The following UNC5B variants were observed in gnomAD, a reference collection of about 807,000 sequenced individuals.
The protein encoded by UNC5B is unc-5 netrin receptor B.
UNC5B carries 56 observed loss-of-function variants against 103.7 expected under a neutral mutation model. The observed-to-expected ratio is 0.54, with a 90% CI of 0.44 to 0.67. The LOEUF is 0.67. Ranked by LOEUF, UNC5B falls within the 30% of genes least tolerant of loss-of-function variation. UNC5B has a pLI of 0.00. For missense variants in UNC5B, 1,194 were observed against 1,284.5 expected (o/e 0.93, Z 1.08); for synonymous variants, 577 against 542.0 (o/e 1.06, Z -0.90).
chr10:71,274,924 T>C (rs1844733500), intron 1 of UNC5B, among the ~76,000 whole-genome samples: 1 of 152,234 alleles, frequency 6.6e-6, no homozygotes, highest in African/African-American at 2.4e-5. Flanking sequence ...CATGAACAGA[T>C]TCCCCATAAG....
At chr10:71,298,709 T>G (rs934608712) in intron 16 of UNC5B, among the ~76,000 whole-genome samples, 3 of 151,598 alleles carry the variant, frequency 2.0e-5, no homozygotes, top group African/African-American at 4.9e-5. Flanking sequence ...ATCAGGGGAG[T>G]TCATGGGAGC....
intron 2 of UNC5B, 82 bp downstream of exon 2, chr10:71,280,127 C>A: frequency 1.4e-6 from 2 of 1,436,788 alleles, no homozygotes; most frequent in South Asian, 1.2e-5. Context: ...AGACTTCACA[C>A]AGCCATGGTG....
chr10:71,264,978 A>C (rs955069552), intron 1 of UNC5B, among the ~76,000 whole-genome samples: 2 of 151,674 alleles, frequency 1.3e-5, no homozygotes, highest in Non-Finnish European at 2.9e-5. Context: ...CTATAAAAAA[A>C]AAAAAAAAAA....
chr10:71,249,124 C>T (rs908737423), intron 1 of UNC5B, among the ~76,000 whole-genome samples: 1 of 152,222 alleles, frequency 6.6e-6, no homozygotes, highest in Non-Finnish European at 1.5e-5. Context: ...CAGCCCTACA[C>T]AGGCACCTCA....
intron 1 of UNC5B, among the ~76,000 whole-genome samples, chr10:71,240,058 C>A (rs933556966): frequency 6.6e-6 from 1 of 152,114 alleles, no homozygotes; most frequent in African/African-American, 2.4e-5. Context: ...TCCTGCTGAG[C>A]CTTCCTTCCC....
intron 16 of UNC5B, 152 bp downstream of exon 16, chr10:71,298,242 G>C (rs984865550): frequency 1.4e-5 from 12 of 847,370 alleles, no homozygotes; most frequent in Middle Eastern, 4.6e-4. Context: ...CTCAGGATTG[G>C]ATATGCAAAG....
At chr10:71,268,419 A>T (rs1021891945) in intron 1 of UNC5B, among the ~76,000 whole-genome samples, 5 of 152,188 alleles carry the variant, frequency 3.3e-5, no homozygotes, top group African/African-American at 4.8e-5. Flanking sequence ...GCCCTTGCAC[A>T]AGTCATTGCC....
intron 1 of UNC5B, among the ~76,000 whole-genome samples, chr10:71,220,384 G>A (rs566891061): frequency 2.6e-5 from 4 of 152,170 alleles, no homozygotes; most frequent in Non-Finnish European, 4.4e-5. Flanking sequence ...TAGCACTTCT[G>A]TGAGCCATTT....
intron 1 of UNC5B, among the ~76,000 whole-genome samples, chr10:71,219,869 A>G (rs7069846): frequency 0.28 from 42,930 of 152,108 alleles, 6,127 homozygotes; most frequent in African/African-American, 0.32. Context: ...TTCCTGGGGC[A>G]GGTGATGAGT....
rs377255326 is a variant in UNC5B, at chr10:71,292,462, C to T, written c.1685-5C>T. 18 of 1,588,088 alleles carry T rather than the reference C, an allele frequency of 1.1e-5. No homozygotes were observed. Among genetic ancestry groups the T allele is most frequent in the East Asian group, 2.3e-5 (1 of 44,260 alleles). On this transcript the variant is annotated splice_region_variant and splice_polypyrimidine_tract_variant and intron_variant, in intron 10 of 16. Transcript: ENST00000335350. ...GACTCCCTGCTGACTTCCCTCTCCC[C>T]CTAGGGGTCAGCTTGCTGGTGCCCA...
intron 13 of UNC5B, 22 bp downstream of exon 13, chr10:71,293,955 C>T (rs1845341767): frequency 1.3e-6 from 2 of 1,568,252 alleles, no homozygotes; most frequent in Non-Finnish European, 1.7e-6. Flanking sequence ...TGCAGGTGCC[C>T]ACACAGCCCT....
intron 1 of UNC5B, among the ~76,000 whole-genome samples, chr10:71,233,444 G>A (rs1843719965): frequency 6.6e-6 from 1 of 152,174 alleles, no homozygotes. Context: ...GAAGATGCTG[G>A]CGGCTTCAGC....
At chr10:71,288,476 A>G in intron 6 of UNC5B, 92 bp from the exon 7 acceptor site, 2 of 1,513,180 alleles carry the variant, frequency 1.3e-6, no homozygotes, top group African/African-American at 1.4e-5. Context: ...GTATGCATGC[A>G]TGTGTGTTGG....
At chr10:71,248,680 C>T (rs1412301551) in intron 1 of UNC5B, among the ~76,000 whole-genome samples, 1 of 152,128 alleles carries the variant, frequency 6.6e-6, no homozygotes, top group Non-Finnish European at 1.5e-5. Context: ...CTTTGCAGCC[C>T]AAGGTCTTTG....
At chr10:71,294,115 G>C (rs112941678) in intron 13 of UNC5B, among the ~76,000 whole-genome samples, 182 bp downstream of exon 13, 41 of 152,298 alleles carry the variant, frequency 2.7e-4, no homozygotes, top group African/African-American at 9.9e-4. Context: ...GCCTCACCAA[G>C]ATCCAGGTTA....
intron 8 of UNC5B, 33 bp from the exon 9 acceptor site, chr10:71,290,882 G>T: frequency 6.3e-7 from 1 of 1,588,800 alleles, no homozygotes; most frequent in Non-Finnish European, 8.6e-7. Context: ...CCTGGTCTCT[G>T]CTGCCCCTTA....
Position 71,282,254 on chromosome 10 carries a change from TG to T in UNC5B, c.304+2214del, listed in dbSNP as rs200032644. ...GCCTGAAAACACAGAAGAGGACAGC[TG>T]GGGGCCAGGAGAGGCAGAACAGCCC... On this transcript the variant is annotated intron_variant, in intron 2 of 16. Transcript: ENST00000335350. Among the ~76,000 whole-genome samples the T allele has an allele frequency of 7.8e-3, 1,193 of 152,234 alleles. 15 individuals are homozygous for T. The highest frequency in any genetic ancestry group is 0.027 in the African/African-American group (1,128 of 41,542).
intron 1 of UNC5B, among the ~76,000 whole-genome samples, chr10:71,230,812 G>A (rs1002241353): frequency 1.3e-5 from 2 of 152,264 alleles, no homozygotes; most frequent in Non-Finnish European, 2.9e-5. Flanking sequence ...AGGGAAGCAG[G>A]GAAGTGGGGG....
chr10:71,267,416 G>A (rs891677193), intron 1 of UNC5B, among the ~76,000 whole-genome samples: 3 of 152,190 alleles, frequency 2.0e-5, no homozygotes, highest in South Asian at 2.1e-4. Context: ...TTCCTTGGCC[G>A]AGGAGGAGAC....
Sources: allele counts gnomAD v4.1 joint callset (sites outside exome capture counted in the v4.1 genomes callset), GRCh38; gene constraint gnomAD v4.1.1; transcripts MANE v1.5; gene names NCBI Gene and HGNC (gene_info 2026-07-23, HGNC 2026-07-21).